UGT2B17: variants seen among roughly 807,000 people sequenced by gnomAD.
UGT2B17 encodes UDP-glucuronosyltransferase 2B17.
UGT2B17 carries 21 observed loss-of-function variants against 48.2 expected under a neutral mutation model. That is an observed-to-expected ratio of 0.44 (90% CI 0.31 to 0.63). The LOEUF (loss-of-function observed/expected upper bound fraction) is 0.63, where lower values mean the gene tolerates loss of function less well. UGT2B17 is among the 20% of genes least tolerant of loss of function. The pLI is 0.08. For synonymous variants in UGT2B17, 146 were observed against 238.4 expected, an observed-to-expected ratio of 0.61 and a Z score of 3.57; for missense variants, 402 against 696.1, an observed-to-expected ratio of 0.58 and a Z score of 4.75.
At position 68,557,092 on chromosome 4, in the gene UGT2B17, G is replaced by A. The variant is rs1731016456; in HGVS notation, c.1005+3445C>T. On this transcript the variant is annotated intron_variant, in intron 4 of 6. Coordinates refer to ENST00000317746, the MANE Select transcript of UGT2B17 (RefSeq NM_001077.4). ...ATTTATATAAATATGTTATTGGCAT[G>A]TGTTCCAAAATTATGGGAAACTCCT... 1.6e-5 allele frequency among the ~76,000 whole-genome samples: 2 copies of A among 124,838 alleles called. 1 individual carries two copies. The allele number at this position is 124,838 out of a possible 152,430, so 81.9% of individuals were successfully genotyped here.
At position 68,568,325 on chromosome 4, in the gene UGT2B17, T is replaced by C. The variant is rs1731242987; in HGVS notation, c.160A>G (p.Ile54Val). 1.5e-6 allele frequency: 2 copies of C among 1,379,206 alleles called. No homozygotes were observed. The highest frequency in any genetic ancestry group is 3.0e-5 in the African/African-American group (2 of 67,682). The allele number at this position is 1,379,206 out of a possible 1,614,324, so 85.4% of individuals were successfully genotyped here. ...EELVQRGHEV[I>V]VLTSSASILV... ...ATAGAAGCCGAAGATGTCAACACAA[T>C]CACCTCATGACCCCTCTGAACAAGC... Residue 54 changes from isoleucine (I) to valine (V), a missense_variant, in exon 2 of 7, where the codon ATT (isoleucine) becomes GTT (valine). Transcript: ENST00000317746.
Position 68,558,368 on chromosome 4 carries a change from A to C in UGT2B17, c.1005+2169T>G, listed in dbSNP as rs367863414. On this transcript the variant is annotated intron_variant, in intron 4 of 6. Transcript: ENST00000317746. ...CAGGTTTTTTTTCCTCCCCTTCCAC[A>C]ATTTTTCCTAATTTGGAGTCACTGT... 1.9e-3 allele frequency among the ~76,000 whole-genome samples: 231 copies of C among 121,388 alleles called. 19 individuals carry two copies. Among genetic ancestry groups the C allele is most frequent in the Admixed American group, 4.4e-3 (50 of 11,458 alleles). 79.6% of individuals were successfully genotyped at this position (121,388 alleles called of 152,430 possible). A position where few individuals can be genotyped will look rare whatever the true frequency, so the allele number is the denominator to read the frequency against.
intron 6 of UGT2B17, among the ~76,000 whole-genome samples, chr4:68,540,552 C>G (rs1287055190): frequency 3.2e-5 from 4 of 126,840 alleles, no homozygotes; most frequent in African/African-American, 1.1e-4. Context: ...GTCTCGATCT[C>G]TTGACCTCGT....
In UGT2B17 at chr4:68,568,511, C is replaced by T; in HGVS notation, c.-27G>A. 1 of 1,292,486 alleles carries T rather than the reference C, an allele frequency of 7.7e-7. No individual in the cohort carries two copies. The highest frequency in any genetic ancestry group is 9.9e-7 in the Non-Finnish European group (1 of 1,014,738). 80.1% of individuals were successfully genotyped at this position (1,292,486 alleles called of 1,614,324 possible). A position where few individuals can be genotyped will look rare whatever the true frequency, so the allele number is the denominator to read the frequency against. ...CTGGTCTTATGCAGTGCTTCTTTTCCAGTTGTTGTTTCTTTCTGTCATTTC... is the reference window on the plus strand; with the variant it reads ...CTGGTCTTATGCAGTGCTTCTTTTCTAGTTGTTGTTTCTTTCTGTCATTTC... On this transcript the variant is annotated 5_prime_UTR_variant, in exon 2 of 7. An upstream open reading frame in the 5' UTR gains an earlier in-frame stop. Transcript: ENST00000317746.
At chr4:68,546,963 G>A (rs1378915273) in intron 6 of UGT2B17, among the ~76,000 whole-genome samples, 1 of 125,536 alleles carries the variant, frequency 8.0e-6, no homozygotes, top group Non-Finnish European at 1.7e-5. Flanking sequence ...CATGCTCATG[G>A]GTAGGAAGAA....
chr4:68,557,937 C>A (rs1246995680), intron 4 of UGT2B17, among the ~76,000 whole-genome samples: 1 of 123,554 alleles, frequency 8.1e-6, no homozygotes, highest in Admixed American at 8.4e-5. Context: ...GGCCCAGGAG[C>A]CCCAAGTTTA....
rs1315760828 is a variant in UGT2B17 at position 68,558,094 on chromosome 4, T to C, written c.1005+2443A>G. On this transcript the variant is annotated intron_variant, in intron 4 of 6. Coordinates refer to ENST00000317746, the MANE Select transcript of UGT2B17 (RefSeq NM_001077.4). ...ATCAAAGCCACTTTAAAAGCCTATG[T>C]AAATAAAAAATTATTCTTCCTCCTC... Among the ~76,000 whole-genome samples the C allele has an allele frequency of 5.7e-5, 7 of 123,366 alleles. 1 individual carries two copies. Among genetic ancestry groups the C allele is most frequent in the African/African-American group, 1.9e-4 (7 of 36,314 alleles). The allele number at this position is 123,366 out of a possible 152,430, so 80.9% of individuals were successfully genotyped here.
chr4:68,556,658 G>A lies in UGT2B17; in HGVS notation c.1005+3879C>T, dbSNP rs181127263. 9.7e-4 allele frequency among the ~76,000 whole-genome samples: 122 copies of A among 125,844 alleles called. 31 individuals are homozygous for A. Among genetic ancestry groups the A allele is most frequent in the Non-Finnish European group, 1.6e-3 (94 of 59,128 alleles). The allele number at this position is 125,844 out of a possible 152,430, so 82.6% of individuals were successfully genotyped here. A position where few individuals can be genotyped will look rare whatever the true frequency, so the allele number is the denominator to read the frequency against. ...TGACTTCTTAATAAAGATTATAAAC[G>A]TTATGAAAGGCTGAGGAAAGTTATA... On this transcript the variant is annotated intron_variant, in intron 4 of 6. Coordinates refer to ENST00000317746, the MANE Select transcript of UGT2B17 (RefSeq NM_001077.4).
rs539958634 is a variant in UGT2B17, at chr4:68,574,099, T to C, written c.-65+1852A>G. 1.3e-3 allele frequency among the ~76,000 whole-genome samples: 170 copies of C among 127,154 alleles called. 36 individuals are homozygous for C. The highest frequency in any genetic ancestry group is 4.5e-3 in the African/African-American group (168 of 37,112). 83.4% of individuals were successfully genotyped at this position (127,154 alleles called of 152,430 possible). On this transcript the variant is annotated intron_variant, in intron 1 of 6. Coordinates refer to ENST00000317746, the MANE Select transcript of UGT2B17 (RefSeq NM_001077.4). Reference sequence around the variant, plus strand: ...ACAATTGCTTTTGTTTATTGTGTAGTTGGAATATTTGATCCATTTCAACCA... The same window carrying C: ...ACAATTGCTTTTGTTTATTGTGTAGCTGGAATATTTGATCCATTTCAACCA...
In UGT2B17 at chr4:68,574,739, G is replaced by A. The variant is rs1197269228; in HGVS notation, c.-65+1212C>T. ...TAAACTGTTTCTTCAATAGCACTCA[G>A]GAGGCCTTATTACTTTTAAATTATG... is the stretch of plus-strand genomic sequence containing the variant. On this transcript the variant is annotated intron_variant, in intron 1 of 6. Transcript: ENST00000317746. Among the ~76,000 whole-genome samples the A allele has an allele frequency of 7.2e-5, 9 of 125,434 alleles. 4 individuals carry two copies. The East Asian group carries it at 6.8e-3, about 95-fold the overall frequency. 82.3% of individuals were successfully genotyped at this position (125,434 alleles called of 152,430 possible).
chr4:68,556,136 T>C lies in UGT2B17; in HGVS notation c.1006-4225A>G, dbSNP rs1368423614. 4.0e-5 allele frequency among the ~76,000 whole-genome samples: 5 copies of C among 124,306 alleles called. 1 individual carries two copies. The highest frequency in any genetic ancestry group is 6.8e-5 in the Non-Finnish European group (4 of 58,732). 81.5% of individuals were successfully genotyped at this position (124,306 alleles called of 152,430 possible). A position where few individuals can be genotyped will look rare whatever the true frequency, so the allele number is the denominator to read the frequency against. On this transcript the variant is annotated intron_variant, in intron 4 of 6. Transcript: ENST00000317746. ...AACTTTTATATGATCAAGTTGTCTATAATTAAAGGGAAATTATAATGGTGT... is the reference window on the plus strand; with the variant it reads ...AACTTTTATATGATCAAGTTGTCTACAATTAAAGGGAAATTATAATGGTGT...
At chr4:68,561,331 T>C (rs536105944) in intron 3 of UGT2B17, among the ~76,000 whole-genome samples, 1 of 118,076 alleles carries the variant, frequency 8.5e-6, no homozygotes, top group African/African-American at 2.9e-5. Context: ...ATAAGAATCA[T>C]TGACGTTCAT....
chr4:68,553,463 A>T (rs1348351655), intron 4 of UGT2B17, among the ~76,000 whole-genome samples: 1 of 126,198 alleles, frequency 7.9e-6, no homozygotes, highest in African/African-American at 2.7e-5. Context: ...CAAAGGCACC[A>T]CTCACCCCTT....
chr4:68,548,183 C>G (rs1730853569), intron 6 of UGT2B17, among the ~76,000 whole-genome samples: 1 of 126,414 alleles, frequency 7.9e-6, no homozygotes, highest in Non-Finnish European at 1.7e-5. Flanking sequence ...CCCAAATGTC[C>G]AACAATGATA....
chr4:68,563,557 A>T (rs1245754275), intron 3 of UGT2B17, among the ~76,000 whole-genome samples: 1 of 127,046 alleles, frequency 7.9e-6, no homozygotes, highest in African/African-American at 2.7e-5. Flanking sequence ...TGGAGGTTGC[A>T]GTGAGCTGAG....
rs1411114463 is a variant in UGT2B17, at chr4:68,575,631, A to G, written c.-65+320T>C. Among the ~76,000 whole-genome samples, 2 of 126,284 alleles carry G rather than the reference A, an allele frequency of 1.6e-5. 1 individual carries two copies. Among genetic ancestry groups the G allele is most frequent in the Non-Finnish European group, 3.4e-5 (2 of 59,662 alleles). The allele number at this position is 126,284 out of a possible 152,430, so 82.8% of individuals were successfully genotyped here. A position where few individuals can be genotyped will look rare whatever the true frequency, so the allele number is the denominator to read the frequency against. On this transcript the variant is annotated intron_variant, in intron 1 of 6. Transcript: ENST00000317746. ...AACGGGTAAAAGGGCACACACAAAC[A>G]TTTCAGTTTACACCAAACCAAAATC...
At chr4:68,566,696 G>A (rs28430389) in intron 2 of UGT2B17, among the ~76,000 whole-genome samples, 30,160 of 32,150 alleles carry the variant, frequency 0.94, 14,745 homozygotes, top group East Asian at 1. Flanking sequence ...TTTATAAATT[G>A]CCCAGTCTCA....
At position 68,539,384 on chromosome 4, in the gene UGT2B17, T is replaced by C. The variant is rs1456099568; in HGVS notation, c.1314-1480A>G. Among the ~76,000 whole-genome samples the C allele has an allele frequency of 1.6e-5, 2 of 125,858 alleles. 1 individual carries two copies. Among genetic ancestry groups the C allele is most frequent in the African/African-American group, 5.4e-5 (2 of 36,950 alleles). The allele number at this position is 125,858 out of a possible 152,430, so 82.6% of individuals were successfully genotyped here. ...AATTGCACTGGTGTAGAGTATTCAG[T>C]TGATTGACAAAGACCACAGATCTCT... is the stretch of plus-strand genomic sequence containing the variant. On this transcript the variant is annotated intron_variant, in intron 6 of 6. Transcript: ENST00000317746.
At position 68,574,554 on chromosome 4, in the gene UGT2B17, A is replaced by G. The variant is rs1466676756; in HGVS notation, c.-65+1397T>C. ...TTTTTTAACTTTAGCTAATAAGTTT[A>G]CACACAGAATTTTCTTTAAATTAAC... On this transcript the variant is annotated intron_variant, in intron 1 of 6. Transcript: ENST00000317746. 3.2e-5 allele frequency among the ~76,000 whole-genome samples: 4 copies of G among 126,508 alleles called. 2 individuals carry two copies. Among genetic ancestry groups the G allele is most frequent in the Admixed American group, 1.6e-4 (2 of 12,532 alleles). 83.0% of individuals were successfully genotyped at this position (126,508 alleles called of 152,430 possible).
Sources: gnomAD v4.1 joint callset for allele counts (sites outside exome capture counted in the v4.1 genomes callset) on GRCh38, gnomAD v4.1.1 for gene constraint, MANE v1.5 for transcripts, NCBI Gene and HGNC (gene_info 2026-07-23, HGNC 2026-07-21) for gene names.